The following KIF2A variants were observed in gnomAD, a reference collection of about 807,000 sequenced individuals.
The protein encoded by KIF2A is kinesin-like protein KIF2A.
In KIF2A, 22 loss-of-function variants were observed where a neutral mutation model predicts 100.2. The ratio of observed to expected loss-of-function variants is 0.22; its 90% confidence interval spans 0.16 to 0.31. The LOEUF is 0.31. KIF2A is among the 10% of genes least tolerant of loss of function. KIF2A has a pLI of 1.00. For synonymous variants in KIF2A, 268 were observed against 285.9 expected (o/e 0.94, Z 0.63); for missense variants, 495 against 898.7 (o/e 0.55, Z 5.74).
At chr5:62,384,181 G>A (rs1741913938) in intron 20 of KIF2A, among the ~76,000 whole-genome samples, 2 of 152,072 alleles carry the variant, frequency 1.3e-5, no homozygotes, top group African/African-American at 2.4e-5. Flanking sequence ...GGCGGAGGGC[G>A]GAGGTTGCAG....
intron 1 of KIF2A, among the ~76,000 whole-genome samples, chr5:62,343,682 G>A (rs1319934053): frequency 6.6e-6 from 1 of 152,190 alleles, no homozygotes; most frequent in Non-Finnish European, 1.5e-5. Context: ...TAAGTTGGAA[G>A]CAGGAAGACT....
rs200112197 is a variant in KIF2A at position 62,322,934 on chromosome 5, T to TAAAAAAA, written c.64+16407_64+16413dup. On this transcript the variant is annotated intron_variant, in intron 1 of 20. Coordinates refer to ENST00000407818, the MANE Select transcript of KIF2A (RefSeq NM_001098511.3). Reference sequence around the variant, plus strand: ...ATTAGTGGAATGTGATTCAATTTAGTAAAAAAAAAAAAAAATCAGCTTTAT... The same window carrying TAAAAAAA: ...ATTAGTGGAATGTGATTCAATTTAGTAAAAAAAAAAAAAAAAAAAAAATCAGCTTTAT... Among the ~76,000 whole-genome samples the TAAAAAAA allele has an allele frequency of 6.0e-3, 591 of 97,996 alleles. 23 individuals are homozygous for TAAAAAAA. The highest frequency in any genetic ancestry group is 0.014 in the African/African-American group (371 of 25,730). The allele number at this position is 97,996 out of a possible 152,430, so 64.3% of individuals were successfully genotyped here.
intron 1 of KIF2A, among the ~76,000 whole-genome samples, chr5:62,343,174 C>T (rs1747387878): frequency 6.6e-6 from 1 of 152,200 alleles, no homozygotes; most frequent in Non-Finnish European, 1.5e-5. Context: ...CATATCACTT[C>T]CACTGGTTAT....
intron 7 of KIF2A, among the ~76,000 whole-genome samples, chr5:62,356,786 CTTT>C (rs201800931): frequency 3.0e-5 from 4 of 134,286 alleles, no homozygotes; most frequent in African/African-American, 2.7e-5. Context: ...GATAATACAG[CTTT>C]TTTTTTTTTT....
chr5:62,354,488 T>C (rs1333562628), intron 6 of KIF2A, among the ~76,000 whole-genome samples: 1 of 152,172 alleles, frequency 6.6e-6, no homozygotes, highest in Non-Finnish European at 1.5e-5. Flanking sequence ...TAGGAAAGAC[T>C]GTTGACTATT....
At position 62,366,396 on chromosome 5, in the gene KIF2A, A is replaced by ATTTTTTTTTTT; in HGVS notation, c.1579-8_1579-7insTTTTTTTTTTT. 7.2e-7 allele frequency: 1 copy of ATTTTTTTTTTT among 1,384,244 alleles called. No individual in the cohort carries two copies. Among genetic ancestry groups the ATTTTTTTTTTT allele is most frequent in the African/African-American group, 1.5e-5 (1 of 68,828 alleles). 85.7% of individuals were successfully genotyped at this position (1,384,244 alleles called of 1,614,324 possible). On this transcript the variant is annotated splice_polypyrimidine_tract_variant and intron_variant, in intron 15 of 20. Coordinates refer to ENST00000407818, the MANE Select transcript of KIF2A (RefSeq NM_001098511.3). ...TTTATAACATTTTGTTTACCTTTGC[A>ATTTTTTTTTTT]TTTTTTTTTTCCTGTAGATTGCCAC...
intron 1 of KIF2A, chr5:62,307,088 C>G (rs956389879): frequency 6.6e-6 from 1 of 151,504 alleles, no homozygotes; most frequent in Admixed American, 6.6e-5. Flanking sequence ...GTCAGGCCTC[C>G]CCGGTTTCGT....
intron 1 of KIF2A, among the ~76,000 whole-genome samples, chr5:62,323,396 G>A (rs1029785000): frequency 4.6e-5 from 7 of 151,944 alleles, no homozygotes; most frequent in African/African-American, 7.3e-5. Flanking sequence ...GGCGGCGGGC[G>A]CCTGTAGTCC....
In KIF2A at chr5:62,386,477, A is replaced by C. The variant is rs937959641; in HGVS notation, c.*908A>C. On this transcript the variant is annotated 3_prime_UTR_variant, in exon 21 of 21. Coordinates refer to ENST00000407818, the MANE Select transcript of KIF2A (RefSeq NM_001098511.3). The stretch of plus-strand genomic sequence containing the variant: ...ATAGTGCAGTTTGATCCTTACCAAT[A>C]TCATTACTTAATTTGAAGTGTTCAT... The C allele has an allele frequency of 6.6e-6, 1 of 152,226 alleles. No homozygotes were observed. The highest frequency in any genetic ancestry group is 1.5e-5 in the Non-Finnish European group (1 of 68,050). The allele number at this position is 152,226 out of a possible 1,614,324, so 9.4% of individuals were successfully genotyped here.
chr5:62,360,061 G>A (rs1020131109), intron 9 of KIF2A, among the ~76,000 whole-genome samples: 4 of 151,168 alleles, frequency 2.6e-5, no homozygotes, highest in African/African-American at 4.9e-5. Context: ...GCATGATCTC[G>A]GCTCACTGCA....
At chr5:62,373,900 C>A in intron 18 of KIF2A, 63 bp downstream of exon 18, 2 of 1,293,534 alleles carry the variant, frequency 1.5e-6, no homozygotes, top group Non-Finnish European at 2.2e-6. Context: ...CAGAACTTAA[C>A]TGAAAACTAT....
chr5:62,376,434 T>G (rs566141372), intron 18 of KIF2A, among the ~76,000 whole-genome samples: 34 of 148,836 alleles, frequency 2.3e-4, no homozygotes, highest in South Asian at 6.4e-4. Flanking sequence ...TTGTTTGTTT[T>G]TTTGAGGTGG....
rs1280384284 is a variant in KIF2A at position 62,389,082 on chromosome 5, C to T, written c.*3513C>T. Reference sequence around the variant, plus strand: ...AAAAAGAAATCAAAATGGAATGGTACTGAAAAGCTAATTTGTAGCACATAA... The same window carrying T: ...AAAAAGAAATCAAAATGGAATGGTATTGAAAAGCTAATTTGTAGCACATAA... On this transcript the variant is annotated 3_prime_UTR_variant, in exon 21 of 21. Coordinates refer to ENST00000407818, the MANE Select transcript of KIF2A (RefSeq NM_001098511.3). 43 of 1,589,748 alleles carry T rather than the reference C, an allele frequency of 2.7e-5. No individual in the cohort carries two copies. Among genetic ancestry groups the T allele is most frequent in the Non-Finnish European group, 3.4e-5 (40 of 1,161,774 alleles).
At chr5:62,379,125 A>G (rs566599220) in intron 19 of KIF2A, among the ~76,000 whole-genome samples, 12 of 152,280 alleles carry the variant, frequency 7.9e-5, no homozygotes, top group African/African-American at 2.9e-4. Flanking sequence ...AAAAACAAAA[A>G]GAAAAGTGTC....
intron 1 of KIF2A, among the ~76,000 whole-genome samples, chr5:62,333,049 C>T (rs542709056): frequency 7.7e-4 from 117 of 152,254 alleles, no homozygotes; most frequent in Admixed American, 7.8e-4. Context: ...TTTGATACTT[C>T]GCATGATTTT....
intron 5 of KIF2A, 41 bp downstream of exon 5, chr5:62,352,751 T>TA: frequency 6.4e-7 from 1 of 1,563,816 alleles, no homozygotes; most frequent in Non-Finnish European, 8.8e-7. Flanking sequence ...ATTTTAGGCA[T>TA]ACATGTATTC....
intron 4 of KIF2A, 89 bp from the exon 5 acceptor site, chr5:62,352,499 A>G: frequency 2.4e-6 from 2 of 848,376 alleles, no homozygotes; most frequent in Non-Finnish European, 3.5e-6. Flanking sequence ...TTTAAGTATC[A>G]GGTTTTGGGG....
In KIF2A at chr5:62,339,928, C is replaced by T. The variant is rs186529586; in HGVS notation, c.65-7202C>T. ...ATTATCTCAAATATCTGGGTAGTTA[C>T]TTTTAGTACTTTTTTTTTTTTTTTT... On this transcript the variant is annotated intron_variant, in intron 1 of 20. Coordinates refer to ENST00000407818, the MANE Select transcript of KIF2A (RefSeq NM_001098511.3). Among the ~76,000 whole-genome samples the T allele has an allele frequency of 4.5e-3, 645 of 143,460 alleles. 5 individuals carry two copies. The highest frequency in any genetic ancestry group is 0.016 in the African/African-American group (623 of 38,594). The allele number at this position is 143,460 out of a possible 152,430, so 94.1% of individuals were successfully genotyped here. A position where few individuals can be genotyped will look rare whatever the true frequency, so the allele number is the denominator to read the frequency against.
In KIF2A at chr5:62,381,134, TAGA is replaced by T. The variant is rs781355407; in HGVS notation, c.2034_2036del (p.Glu678del). ...TCCTTGTAGGAATCTATTCGGTGGTTAGAAGATGAAAAGGCCCTCTTAGAGATG... is the reference window on the plus strand; with the variant it reads ...TCCTTGTAGGAATCTATTCGGTGGTTAGATGAAAAGGCCCTCTTAGAGATG... On this transcript the variant is annotated inframe_deletion, in exon 20 of 21. Transcript: ENST00000407818. The T allele has an allele frequency of 1.2e-6, 2 of 1,611,430 alleles. No individual in the cohort carries two copies. The highest frequency in any genetic ancestry group is 1.7e-6 in the Non-Finnish European group (2 of 1,177,802).
Sources: gnomAD v4.1 joint callset for allele counts (sites outside exome capture counted in the v4.1 genomes callset) on GRCh38, gnomAD v4.1.1 for gene constraint, MANE v1.5 for transcripts, NCBI Gene and HGNC (gene_info 2026-07-23, HGNC 2026-07-21) for gene names.